Variants in PLA2G4E observed in about 807,000 individuals in gnomAD.
The protein encoded by PLA2G4E is cytosolic phospholipase A2 epsilon.
In PLA2G4E, 84 loss-of-function variants were observed where a neutral mutation model predicts 109.1. The observed-to-expected ratio is 0.77, with a 90% CI of 0.65 to 0.92. The LOEUF is 0.92. Among genes scored for constraint, PLA2G4E ranks in the 40% least tolerant of loss-of-function variants. The pLI, the probability that PLA2G4E is intolerant of heterozygous loss-of-function variation, is 0.00. For missense variants in PLA2G4E, 1,057 were observed against 1,076.6 expected (o/e 0.98, Z 0.25); for synonymous variants, 469 against 436.1 (o/e 1.08, Z -0.94).
At chr15:41,989,368 C>T in intron 15 of PLA2G4E, 47 bp downstream of exon 15, 1 of 1,610,664 alleles carries the variant, frequency 6.2e-7, no homozygotes, top group African/African-American at 1.3e-5. Context: ...GGTGGCCCAG[C>T]ACTGGGCAGC....
chr15:42,037,856 C>G (rs1440149894), intron 1 of PLA2G4E, among the ~76,000 whole-genome samples: 2 of 152,252 alleles, frequency 1.3e-5, no homozygotes, highest in African/African-American at 2.4e-5. Context: ...ACTGCGGCAG[C>G]TGGCATGTAG....
chr15:41,999,783 C>T, intron 9 of PLA2G4E, 134 bp downstream of exon 9: 2 of 1,143,414 alleles, frequency 1.7e-6, no homozygotes, highest in Non-Finnish European at 1.3e-6. Flanking sequence ...CCCCACAAGA[C>T]TCCTCCATCC....
chr15:41,990,339 C>T lies in PLA2G4E; in HGVS notation c.1471-104G>A, dbSNP rs191704746. On this transcript the variant is annotated intron_variant, in intron 13 of 19. Transcript: ENST00000399518. ...GGACCCCCGCAGCCACTTCCTGGCTCCTGAGCTCACCGGGCTGCTGTATCG... is the reference window on the plus strand; with the variant it reads ...GGACCCCCGCAGCCACTTCCTGGCTTCTGAGCTCACCGGGCTGCTGTATCG... 142 of 978,558 alleles carry T rather than the reference C, an allele frequency of 1.5e-4. No homozygotes were observed. The African/African-American group carries it at 2.1e-3, about 15-fold the overall frequency. 60.6% of individuals were successfully genotyped at this position (978,558 alleles called of 1,614,324 possible).
At chr15:41,985,223 C>A (rs1419432928) in intron 18 of PLA2G4E, among the ~76,000 whole-genome samples, 1 of 152,190 alleles carries the variant, frequency 6.6e-6, no homozygotes, top group Non-Finnish European at 1.5e-5. Context: ...CAAACAAGAT[C>A]ACACGTAGGA....
chr15:42,029,078 G>T (rs1889071678), intron 1 of PLA2G4E, among the ~76,000 whole-genome samples: 1 of 152,070 alleles, frequency 6.6e-6, no homozygotes, highest in Non-Finnish European at 1.5e-5. Context: ...TTAAGGGCCA[G>T]CTTAGTGCTT....
At chr15:42,015,631 C>G (rs188627177) in intron 1 of PLA2G4E, among the ~76,000 whole-genome samples, 134 of 152,338 alleles carry the variant, frequency 8.8e-4, no homozygotes, top group African/African-American at 3.1e-3. Context: ...GAATACTAGG[C>G]AGAGACAGAG....
intron 1 of PLA2G4E, among the ~76,000 whole-genome samples, chr15:42,035,358 C>T (rs2665211): frequency 0.82 from 125,128 of 152,226 alleles, 51,792 homozygotes; most frequent in South Asian, 0.95. Context: ...GAGGAGCAAC[C>T]AGCACCTGAA....
Position 41,990,190 on chromosome 15 carries a change from C to T in PLA2G4E, c.1516G>A (p.Gly506Ser), listed in dbSNP as rs200266741. The T allele has an allele frequency of 3.3e-4, 528 of 1,613,510 alleles. 3 individuals carry two copies. The highest frequency in any genetic ancestry group is 2.8e-4 in the Admixed American group (17 of 59,980). ...AGGTAGATGGGCAGGGGGTTCTGGC[C>T]GCAGCTCAAAGCAGCACGCTGATCT... Residue 506 changes from glycine to serine, a missense_variant, in exon 14 of 20, where the codon GGC (glycine) becomes AGC (serine). By Grantham distance (56) the Gly-to-Ser change is moderately conservative. Transcript: ENST00000399518.
intron 6 of PLA2G4E, 106 bp downstream of exon 6, chr15:42,002,548 G>T (rs1037028213): frequency 2.3e-6 from 3 of 1,298,722 alleles, no homozygotes; most frequent in East Asian, 2.5e-5. Context: ...GTCAGGATAG[G>T]ACAGAGACCA....
intron 1 of PLA2G4E, among the ~76,000 whole-genome samples, chr15:42,016,080 A>T (rs187564346): frequency 6.6e-6 from 1 of 152,092 alleles, no homozygotes; most frequent in East Asian, 1.9e-4. Context: ...TGCGACCCTG[A>T]ATGTTCTACT....
At chr15:42,021,924 C>T (rs1027164318) in intron 1 of PLA2G4E, among the ~76,000 whole-genome samples, 1 of 152,214 alleles carries the variant, frequency 6.6e-6, no homozygotes, top group African/African-American at 2.4e-5. Context: ...GGGATGGAAC[C>T]TGGTTGGAGG....
chr15:41,999,673 G>T, intron 9 of PLA2G4E, 112 bp from the exon 10 acceptor site: 1 of 1,328,280 alleles, frequency 7.5e-7, no homozygotes. Flanking sequence ...ACACACAGGC[G>T]CTCCATCCCT....
intron 13 of PLA2G4E, among the ~76,000 whole-genome samples, chr15:41,991,023 C>T (rs1319212685): frequency 6.6e-6 from 1 of 152,064 alleles, no homozygotes; most frequent in African/African-American, 2.4e-5. Context: ...ATGTATATGC[C>T]CAATGACATG....
Position 42,036,082 on chromosome 15 carries a change from C to A in PLA2G4E, c.183+14439G>T, listed in dbSNP as rs1889207696. Among the ~76,000 whole-genome samples the A allele has an allele frequency of 5.9e-5, 9 of 152,298 alleles. No homozygotes were observed. The South Asian group carries it at 1.9e-3, about 32-fold the overall frequency. On this transcript the variant is annotated intron_variant, in intron 1 of 19. Coordinates refer to ENST00000399518, the Ensembl canonical transcript of PLA2G4E. Reference sequence around the variant, plus strand: ...GGTTCATTCATTTTCACAGTTGTGACCTATTCCACAACTTATGATTTTGTG... The same window carrying A: ...GGTTCATTCATTTTCACAGTTGTGAACTATTCCACAACTTATGATTTTGTG...
chr15:42,005,114 G>T, intron 4 of PLA2G4E, 136 bp from the exon 5 acceptor site: 1 of 1,025,404 alleles, frequency 9.8e-7, no homozygotes, highest in Non-Finnish European at 1.5e-6. Flanking sequence ...CATGGAGTGT[G>T]CTTGTGGTCT....
At chr15:42,035,619 G>A (rs1472222911) in intron 1 of PLA2G4E, among the ~76,000 whole-genome samples, 1 of 152,124 alleles carries the variant, frequency 6.6e-6, no homozygotes, top group East Asian at 1.9e-4. Flanking sequence ...ATAAGAATTT[G>A]CAGATGGGCT....
chr15:42,038,972 A>T (rs972175289), intron 1 of PLA2G4E, among the ~76,000 whole-genome samples: 2 of 152,188 alleles, frequency 1.3e-5, no homozygotes, highest in Non-Finnish European at 2.9e-5. Flanking sequence ...TCCAGTGGAT[A>T]TAAAATGGTA....
At position 42,029,434 on chromosome 15, in the gene PLA2G4E, T is replaced by A. The variant is rs74008951; in HGVS notation, c.184-15677A>T. ...AAGCACTTGTATCCACAGCTCAATA[T>A]TTCTCTTCCTGCCATTAAAACTTGT... On this transcript the variant is annotated intron_variant, in intron 1 of 19. Coordinates refer to ENST00000399518, the Ensembl canonical transcript of PLA2G4E. 2.5e-3 allele frequency among the ~76,000 whole-genome samples: 380 copies of A among 152,292 alleles called. 2 individuals carry two copies. The highest frequency in any genetic ancestry group is 9.0e-3 in the African/African-American group (374 of 41,568).
At chr15:41,990,300 TGAG>T in intron 13 of PLA2G4E, 65 bp from the exon 14 acceptor site, 1 of 1,438,690 alleles carries the variant, frequency 7.0e-7, no homozygotes. Flanking sequence ...CAGTGCAGAA[TGAG>T]AAGACAATCT....
Sources: gnomAD v4.1 joint callset for allele counts (sites outside exome capture counted in the v4.1 genomes callset) on GRCh38, gnomAD v4.1.1 for gene constraint, MANE v1.5 for transcripts, NCBI Gene and HGNC (gene_info 2026-07-23, HGNC 2026-07-21) for gene names.